Variants in GTF2I observed in about 807,000 individuals in gnomAD.
The protein encoded by GTF2I is general transcription factor II-I.
In GTF2I, 12 loss-of-function variants were observed where a neutral mutation model predicts 67.6. That is an observed-to-expected ratio of 0.18 (90% CI 0.11 to 0.29). GTF2I has a LOEUF of 0.29. GTF2I is among the 10% of genes least tolerant of loss of function. GTF2I has a pLI of 1.00. For synonymous variants in GTF2I, 149 were observed against 197.0 expected (o/e 0.76, Z 2.04); for missense variants, 271 against 580.1 (o/e 0.47, Z 5.47).
chr7:74,705,397 T>G (rs781939155), intron 7 of GTF2I, among the ~76,000 whole-genome samples, 179 bp downstream of exon 7: 1 of 152,154 alleles, frequency 6.6e-6, no homozygotes, highest in African/African-American at 2.4e-5. Flanking sequence ...TATTTCTGAA[T>G]AGTAGAGTTC....
At chr7:74,666,921 A>C (rs1805034865) in intron 1 of GTF2I, among the ~76,000 whole-genome samples, 1 of 152,000 alleles carries the variant, frequency 6.6e-6, no homozygotes, top group Admixed American at 6.6e-5. Context: ...CGGAGCTTGC[A>C]GTGAGCTGAG....
chr7:74,679,396 C>A (rs1554393417), intron 1 of GTF2I, among the ~76,000 whole-genome samples: 1 of 151,532 alleles, frequency 6.6e-6, no homozygotes, highest in Non-Finnish European at 1.5e-5. Flanking sequence ...TTTTTTTAAC[C>A]AAATGCCTTA....
chr7:74,671,762 G>T (rs944760972), intron 1 of GTF2I, among the ~76,000 whole-genome samples: 5 of 152,018 alleles, frequency 3.3e-5, no homozygotes, highest in Non-Finnish European at 7.4e-5. Context: ...TGGGAGGACT[G>T]CTTGAGCACG....
chr7:74,691,017 A>G lies in GTF2I; in HGVS notation c.144A>G (p.Ala48=), dbSNP rs1554396891. 1 of 1,613,424 alleles carries G rather than the reference A, an allele frequency of 6.2e-7. No individual in the cohort carries two copies. The highest frequency in any genetic ancestry group is 1.7e-5 in the Admixed American group (1 of 59,958). ...AKSKAEVACI[A]VYETDVFVVG... ...CCAAAGCCGAAGTGGCCTGCATTGCAGTGTATGAAACAGACGTGTTTGTCG... is the reference window on the plus strand; with the variant it reads ...CCAAAGCCGAAGTGGCCTGCATTGCGGTGTATGAAACAGACGTGTTTGTCG... Residue 48 remains alanine, a synonymous_variant, in exon 3 of 35, where the codon GCA becomes GCG. Coordinates refer to ENST00000573035, the MANE Select transcript of GTF2I (RefSeq NM_032999.4).
intron 26 of GTF2I, among the ~76,000 whole-genome samples, chr7:74,750,591 C>T (rs62475412): frequency 1.0e-5 from 1 of 100,444 alleles, no homozygotes; most frequent in Non-Finnish European, 1.9e-5. Context: ...CAAAGCTGGC[C>T]ACTTTTTTTT....
chr7:74,672,086 G>A (rs201427146), intron 1 of GTF2I, among the ~76,000 whole-genome samples: 1 of 141,488 alleles, frequency 7.1e-6, no homozygotes, highest in Non-Finnish European at 1.6e-5. Context: ...TCATATATAT[G>A]TATGAGTTAT....
chr7:74,668,991 C>G (rs1032779408), intron 1 of GTF2I, among the ~76,000 whole-genome samples: 1 of 151,948 alleles, frequency 6.6e-6, no homozygotes, highest in South Asian at 2.1e-4. Flanking sequence ...CCACCTCAGT[C>G]TCCCAAAGTG....
intron 3 of GTF2I, among the ~76,000 whole-genome samples, chr7:74,692,090 T>C (rs1788369295): frequency 6.7e-6 from 1 of 149,792 alleles, no homozygotes; most frequent in East Asian, 2.0e-4. Flanking sequence ...TTTTTTTTTT[T>C]AAGAGATGGG....
intron 16 of GTF2I, among the ~76,000 whole-genome samples, chr7:74,734,392 C>T (rs1794722291): frequency 6.7e-6 from 1 of 148,830 alleles, no homozygotes; most frequent in Admixed American, 6.7e-5. Flanking sequence ...CCATTTATAT[C>T]ATCTCTTAAT....
At chr7:74,658,554 C>T (rs1804152343) in intron 1 of GTF2I, among the ~76,000 whole-genome samples, 2 of 150,016 alleles carry the variant, frequency 1.3e-5, no homozygotes, top group South Asian at 4.2e-4. Context: ...TGGGGTCGCG[C>T]TCGCCTGGTG....
chr7:74,690,699 G>A (rs74991370), intron 2 of GTF2I, among the ~76,000 whole-genome samples: 7,665 of 152,122 alleles, frequency 0.05, 271 homozygotes, highest in Middle Eastern at 0.092. Context: ...CCTGCCTTCC[G>A]CCTCCCAAGT....
intron 12 of GTF2I, chr7:74,727,921 C>T (rs1185397062): frequency 6.6e-6 from 1 of 152,264 alleles, no homozygotes; most frequent in Non-Finnish European, 1.5e-5. Context: ...TTATACACAG[C>T]CTCTGTGCTG....
chr7:74,692,076 T>C (rs587679592), intron 3 of GTF2I, among the ~76,000 whole-genome samples: 1 of 129,368 alleles, frequency 7.7e-6, no homozygotes, highest in Non-Finnish European at 1.7e-5. Context: ...CACTCTCGGC[T>C]TTTTTTTTTT....
chr7:74,658,179 C>T (rs1804092293), intron 1 of GTF2I, 111 bp downstream of exon 1: 1 of 150,976 alleles, frequency 6.6e-6, no homozygotes, highest in Non-Finnish European at 1.5e-5. Flanking sequence ...GGGACAGGGG[C>T]CTGGGAGCCG....
chr7:74,722,493 T>C (rs587626337), intron 12 of GTF2I, among the ~76,000 whole-genome samples: 1 of 152,280 alleles, frequency 6.6e-6, no homozygotes, highest in South Asian at 2.1e-4. Flanking sequence ...GAGGTTTCTT[T>C]CTTGCGCAGT....
intron 1 of GTF2I, among the ~76,000 whole-genome samples, chr7:74,668,251 A>G (rs960890706): frequency 7.3e-6 from 1 of 137,578 alleles, no homozygotes; most frequent in Non-Finnish European, 1.5e-5. Context: ...TATCAAGTTC[A>G]TCTGTGTGTT....
At chr7:74,679,729 C>T (rs1554393519) in intron 1 of GTF2I, among the ~76,000 whole-genome samples, 2 of 152,064 alleles carry the variant, frequency 1.3e-5, no homozygotes, top group Non-Finnish European at 2.9e-5. Context: ...TGAGCCACCA[C>T]ACCTGGCTGT....
chr7:74,665,590 G>A lies in GTF2I; in HGVS notation c.-6+7522G>A, dbSNP rs781818009. ...TGGAGTTGATAATAGAACATGTTTC[G>A]CTTCTAAGAGCTGTTGCAAGGATAG... On this transcript the variant is annotated intron_variant, in intron 1 of 34. Transcript: ENST00000573035. Among the ~76,000 whole-genome samples the A allele has an allele frequency of 7.9e-5, 12 of 152,246 alleles. 1 individual carries two copies. Among genetic ancestry groups the A allele is most frequent in the Non-Finnish European group, 1.2e-4 (8 of 68,016 alleles).
chr7:74,659,642 G>A (rs1274813566), intron 1 of GTF2I, among the ~76,000 whole-genome samples: 1 of 151,896 alleles, frequency 6.6e-6, no homozygotes, highest in Admixed American at 6.6e-5. Context: ...CAATCGGCCC[G>A]CCTCGGCCTG....
Sources: allele counts gnomAD v4.1 joint callset (sites outside exome capture counted in the v4.1 genomes callset), GRCh38; gene constraint gnomAD v4.1.1; transcripts MANE v1.5; gene names NCBI Gene and HGNC (gene_info 2026-07-23, HGNC 2026-07-21).